The following CCDC146 variants were observed in gnomAD, a reference collection of about 807,000 sequenced individuals.
The protein encoded by CCDC146 is coiled-coil domain-containing protein 146.
A neutral mutation model predicts 119.3 loss-of-function variants in CCDC146; 92 were observed. The ratio of observed to expected loss-of-function variants is 0.77; its 90% CI spans 0.65 to 0.92. The LOEUF is 0.92. Among genes scored for constraint, CCDC146 ranks in the 40% least tolerant of loss-of-function variants. The pLI is 0.00. For missense variants in CCDC146, 1,000 were observed against 1,103.0 expected (o/e 0.91, Z 1.32); for synonymous variants, 372 against 371.8 (o/e 1.00, Z -0.01).
intron 2 of CCDC146, among the ~76,000 whole-genome samples, chr7:77,227,338 C>A (rs977152213): frequency 3.9e-5 from 6 of 152,208 alleles, no homozygotes; most frequent in African/African-American, 1.4e-4. Flanking sequence ...CGGAGTCTTG[C>A]TCTGTCGCCT....
chr7:77,177,522 C>T (rs931063895), intron 2 of CCDC146, among the ~76,000 whole-genome samples: 3 of 152,218 alleles, frequency 2.0e-5, no homozygotes, highest in Non-Finnish European at 4.4e-5. Context: ...TTTCCTGCTT[C>T]AGCGCGCATT....
At position 77,235,319 on chromosome 7, in the gene CCDC146, G is replaced by A. The variant is rs1220686630; in HGVS notation, c.157-1628G>A. Among the ~76,000 whole-genome samples, 4 of 152,214 alleles carry A rather than the reference G, an allele frequency of 2.6e-5. 1 individual carries two copies. The South Asian group carries it at 8.3e-4, about 32-fold the overall frequency. On this transcript the variant is annotated intron_variant, in intron 2 of 18. Coordinates refer to ENST00000285871, the MANE Select transcript of CCDC146 (RefSeq NM_020879.3). ...TCTTTAGAGGTAGGAGCAAGTACAC[G>A]TGGTTATCTTCTTTAGATTTGGAAG...
chr7:77,261,842 A>G (rs181545567), intron 8 of CCDC146, among the ~76,000 whole-genome samples: 86 of 152,274 alleles, frequency 5.6e-4, no homozygotes, highest in African/African-American at 1.9e-3. Flanking sequence ...TATCTGGTCT[A>G]CCATTGATGG....
intron 1 of CCDC146, among the ~76,000 whole-genome samples, chr7:77,125,377 T>C (rs1326282375): frequency 6.6e-6 from 1 of 151,372 alleles, no homozygotes; most frequent in East Asian, 1.9e-4. Flanking sequence ...AATAATAAAT[T>C]TAACATAAAA....
chr7:77,127,856 C>G (rs71540937), intron 1 of CCDC146, among the ~76,000 whole-genome samples: 1 of 151,992 alleles, frequency 6.6e-6, no homozygotes, highest in Non-Finnish European at 1.5e-5. Flanking sequence ...TTCATCTTTT[C>G]GTATTTCATT....
At chr7:77,270,803 A>C (rs2150528882) in intron 9 of CCDC146, among the ~76,000 whole-genome samples, 1 of 152,332 alleles carries the variant, frequency 6.6e-6, no homozygotes, top group East Asian at 1.9e-4. Flanking sequence ...TAGTGTGTAC[A>C]TTGTTTCTCC....
At chr7:77,194,959 A>G (rs1293716269) in intron 2 of CCDC146, 1 of 152,202 alleles carries the variant, frequency 6.6e-6, no homozygotes. Flanking sequence ...TGATAGTAAA[A>G]TAAGCAATCT....
intron 2 of CCDC146, among the ~76,000 whole-genome samples, chr7:77,182,338 C>T (rs1791602424): frequency 6.6e-6 from 1 of 152,158 alleles, no homozygotes. Context: ...CATTTAAGTT[C>T]TCTGAACCTC....
chr7:77,250,973 T>TTGTGTGTG (rs58026945), intron 4 of CCDC146, among the ~76,000 whole-genome samples: 91 of 114,698 alleles, frequency 7.9e-4, no homozygotes, highest in South Asian at 9.8e-4. Flanking sequence ...TCTCTGGTAT[T>TTGTGTGTG]TGTGTGTGTG....
intron 14 of CCDC146, among the ~76,000 whole-genome samples, chr7:77,281,136 A>G (rs1199582411): frequency 7.2e-6 from 1 of 138,626 alleles, no homozygotes; most frequent in African/African-American, 2.9e-5. Flanking sequence ...AGAGAGAAAG[A>G]AAGAAATACC....
chr7:77,212,989 G>A (rs1349441569), intron 2 of CCDC146, among the ~76,000 whole-genome samples: 2 of 143,898 alleles, frequency 1.4e-5, no homozygotes, highest in Non-Finnish European at 3.0e-5. Flanking sequence ...TACTTTCTAG[G>A]TGGTGCCATC....
chr7:77,227,977 C>T (rs939413432), intron 2 of CCDC146, among the ~76,000 whole-genome samples: 2 of 152,174 alleles, frequency 1.3e-5, no homozygotes, highest in Non-Finnish European at 2.9e-5. Context: ...CTTCTACGGA[C>T]AGTTCTTGCT....
chr7:77,160,678 A>G (rs1462913326), intron 1 of CCDC146, among the ~76,000 whole-genome samples: 1 of 152,220 alleles, frequency 6.6e-6, no homozygotes, highest in Non-Finnish European at 1.5e-5. Context: ...GGCTGAGACC[A>G]TGGGGTTTTC....
chr7:77,129,301 T>C (rs1790750063), intron 1 of CCDC146, among the ~76,000 whole-genome samples: 1 of 152,060 alleles, frequency 6.6e-6, no homozygotes, highest in African/African-American at 2.4e-5. Flanking sequence ...TGTTGTGATA[T>C]CTCAGTGCTC....
intron 9 of CCDC146, among the ~76,000 whole-genome samples, chr7:77,270,042 T>C (rs1438877790): frequency 6.6e-6 from 1 of 152,232 alleles, no homozygotes; most frequent in Non-Finnish European, 1.5e-5. Context: ...GATTCTCCTA[T>C]GGCGTTTGAC....
At chr7:77,183,225 T>C (rs1445319728) in intron 2 of CCDC146, among the ~76,000 whole-genome samples, 1 of 151,986 alleles carries the variant, frequency 6.6e-6, no homozygotes, top group Admixed American at 6.6e-5. Context: ...CTTCTCTGTA[T>C]CTTTTTCCAT....
intron 1 of CCDC146, among the ~76,000 whole-genome samples, chr7:77,125,298 G>C (rs1790677784): frequency 6.6e-6 from 1 of 150,664 alleles, no homozygotes; most frequent in Non-Finnish European, 1.5e-5. Flanking sequence ...ATGGGAAATA[G>C]TCCATATATA....
chr7:77,150,505 G>A (rs1791094507), intron 1 of CCDC146, among the ~76,000 whole-genome samples: 1 of 152,164 alleles, frequency 6.6e-6, no homozygotes, highest in Non-Finnish European at 1.5e-5. Context: ...AAAACCTTGA[G>A]ATACTAGTAC....
chr7:77,153,451 A>G (rs1189561780), intron 1 of CCDC146, among the ~76,000 whole-genome samples: 1 of 150,620 alleles, frequency 6.6e-6, no homozygotes, highest in African/African-American at 2.4e-5. Flanking sequence ...TTTAACAATA[A>G]AAGATAACAT....
Sources: gnomAD v4.1 joint callset for allele counts (sites outside exome capture counted in the v4.1 genomes callset) on GRCh38, gnomAD v4.1.1 for gene constraint, MANE v1.5 for transcripts, NCBI Gene and HGNC (gene_info 2026-07-23, HGNC 2026-07-21) for gene names.